OR5AS1: variants seen among roughly 807,000 people sequenced by gnomAD.
OR5AS1 encodes olfactory receptor 5AS1.
For missense variants in OR5AS1, 492 were observed against 378.2 expected (o/e 1.30, Z -2.50); for synonymous variants, 196 against 141.7 (o/e 1.38, Z -2.72).
Position 56,037,718 on chromosome 11 carries a change from C to G in OR5AS1, c.*6325C>G, listed in dbSNP as rs148304065. On this transcript the variant is annotated 3_prime_UTR_variant, in exon 2 of 2. Coordinates refer to ENST00000641320, the MANE Select transcript of OR5AS1 (RefSeq NM_001001921.2). Reference sequence around the variant, plus strand: ...TAATTTTTAGATTCAATACTATCCCCGTCAAGCTATCATTGAATTTCTTCA... The same window carrying G: ...TAATTTTTAGATTCAATACTATCCCGGTCAAGCTATCATTGAATTTCTTCA... The G allele has an allele frequency of 2.0e-5, 3 of 150,872 alleles. No individual in the cohort carries two copies. The Admixed American group carries it at 2.0e-4, about 10-fold the overall frequency. The allele number at this position is 150,872 out of a possible 1,614,324, so 9.3% of individuals were successfully genotyped here. A position where few individuals can be genotyped will look rare whatever the true frequency, so the allele number is the denominator to read the frequency against.
chr11:56,030,281 A>G (rs1009955455), intron 1 of OR5AS1, 110 bp from the exon 2 acceptor site: 14 of 446,578 alleles, frequency 3.1e-5, no homozygotes, highest in Non-Finnish European at 5.5e-5. Context: ...ACAAAAAATG[A>G]CATCTCTGTG....
At chr11:56,029,862 T>C (rs1372884482) in intron 1 of OR5AS1, among the ~76,000 whole-genome samples, 1 of 151,908 alleles carries the variant, frequency 6.6e-6, no homozygotes, top group Non-Finnish European at 1.5e-5. Flanking sequence ...AGCCAAGTTG[T>C]AAATCCAGCC....
In OR5AS1 at chr11:56,035,429, G is replaced by A. The variant is rs955161026; in HGVS notation, c.*4036G>A. 6.6e-6 allele frequency: 1 copy of A among 150,934 alleles called. No individual in the cohort carries two copies. Among genetic ancestry groups the A allele is most frequent in the East Asian group, 1.9e-4 (1 of 5,140 alleles). 9.3% of individuals were successfully genotyped at this position (150,934 alleles called of 1,614,324 possible). ...AACGGGATGGAGGAATATTTACCAA[G>A]CAAATGGATAGCAAATAAAGAAAAA... On this transcript the variant is annotated 3_prime_UTR_variant, in exon 2 of 2. Transcript: ENST00000641320.
chr11:56,029,201 T>C (rs1853323159), intron 1 of OR5AS1, among the ~76,000 whole-genome samples: 1 of 152,078 alleles, frequency 6.6e-6, no homozygotes, highest in Non-Finnish European at 1.5e-5. Flanking sequence ...AGTTACTCAC[T>C]ACGTTACTCA....
At position 56,031,540 on chromosome 11, in the gene OR5AS1, C is replaced by G. The variant is rs78836723; in HGVS notation, c.*147C>G. 6.3e-4 allele frequency: 371 copies of G among 585,010 alleles called. 1 individual carries two copies. The highest frequency in any genetic ancestry group is 6.3e-3 in the African/African-American group (343 of 54,378). 36.2% of individuals were successfully genotyped at this position (585,010 alleles called of 1,614,324 possible). On this transcript the variant is annotated 3_prime_UTR_variant, in exon 2 of 2. Transcript: ENST00000641320. ...TCATCCTCTCTTCCAAAAATGTTCT[C>G]TCCACAATTCTACTCTATAAAACAT...
chr11:56,029,772 T>C (rs947662454), intron 1 of OR5AS1, among the ~76,000 whole-genome samples: 1 of 152,082 alleles, frequency 6.6e-6, no homozygotes, highest in Admixed American at 6.6e-5. Flanking sequence ...GTCTACTTAC[T>C]AGGAATATTT....
In OR5AS1 at chr11:56,031,547, A is replaced by G. The variant is rs371078932; in HGVS notation, c.*154A>G. The G allele has an allele frequency of 1.2e-5, 7 of 562,980 alleles. No individual in the cohort carries two copies. The highest frequency in any genetic ancestry group is 1.9e-5 in the Non-Finnish European group (6 of 321,552). 34.9% of individuals were successfully genotyped at this position (562,980 alleles called of 1,614,324 possible). On this transcript the variant is annotated 3_prime_UTR_variant, in exon 2 of 2. Coordinates refer to ENST00000641320, the MANE Select transcript of OR5AS1 (RefSeq NM_001001921.2). Reference sequence around the variant, plus strand: ...CTCTTCCAAAAATGTTCTCTCCACAATTCTACTCTATAAAACATTACCTAA... The same window carrying G: ...CTCTTCCAAAAATGTTCTCTCCACAGTTCTACTCTATAAAACATTACCTAA...
intron 1 of OR5AS1, among the ~76,000 whole-genome samples, chr11:56,030,007 G>A (rs1853330942): frequency 1.3e-5 from 2 of 151,976 alleles, no homozygotes; most frequent in South Asian, 4.1e-4. Flanking sequence ...CCTTTATGTA[G>A]AAGAATGTGA....
In OR5AS1 at chr11:56,035,061, G is replaced by A. The variant is rs1406066465; in HGVS notation, c.*3668G>A. 1.3e-5 allele frequency: 2 copies of A among 152,106 alleles called. No individual in the cohort carries two copies. Among genetic ancestry groups the A allele is most frequent in the East Asian group, 1.9e-4 (1 of 5,200 alleles). 9.4% of individuals were successfully genotyped at this position (152,106 alleles called of 1,614,324 possible). ...GGGAAATAAAATCCTTTACAGAAAA[G>A]CAAATGCTGAGAGATTTTGTCACCA... On this transcript the variant is annotated 3_prime_UTR_variant, in exon 2 of 2. Transcript: ENST00000641320.
In OR5AS1 at chr11:56,037,999, G is replaced by T. The variant is rs1247192497; in HGVS notation, c.*6606G>T. On this transcript the variant is annotated 3_prime_UTR_variant, in exon 2 of 2. Transcript: ENST00000641320. ...CAACCATCTGATCTTTGACAAACCT[G>T]ACAAAAACAAGCAATGAGGAAAGGA... The T allele has an allele frequency of 6.6e-6, 1 of 152,104 alleles. No individual in the cohort carries two copies. Among genetic ancestry groups the T allele is most frequent in the Admixed American group, 6.5e-5 (1 of 15,268 alleles). The allele number at this position is 152,104 out of a possible 1,614,324, so 9.4% of individuals were successfully genotyped here.
In OR5AS1 at chr11:56,030,576, C is replaced by T. The variant is rs773128069; in HGVS notation, c.158C>T (p.Ser53Leu). The T allele has an allele frequency of 3.9e-6, 6 of 1,548,076 alleles. No individual in the cohort carries two copies. The highest frequency in any genetic ancestry group is 1.2e-5 in the South Asian group (1 of 81,926). Residue 53 changes from serine (S) to leucine (L), a missense_variant, in exon 2 of 2, where the codon TCA becomes TTA. Physicochemically the swap from Ser to Leu is moderately radical, Grantham distance 145. Transcript: ENST00000641320. ...TTAATAATTCTAGTTAATATTAATT[C>T]AAGCCTTCAAATTCCCATGTATTAT... is the stretch of plus-strand genomic sequence containing the variant. ...ILLIILVNIN[S>L]SLQIPMYYFL...
intron 1 of OR5AS1, 115 bp downstream of exon 1, chr11:56,027,827 G>T (rs1277241350): frequency 6.6e-6 from 1 of 151,636 alleles, no homozygotes; most frequent in East Asian, 1.9e-4. Flanking sequence ...GTGTGTGTGT[G>T]TGTGGTGTGT....
rs1853403823 is a variant in OR5AS1, at chr11:56,036,278, G to T, written c.*4885G>T. ...GCCTCAGAAGACAAGAAATAACTAA[G>T]ATCAGAGCAGAACTGAAGGAGATAG... is the stretch of plus-strand genomic sequence containing the variant. On this transcript the variant is annotated 3_prime_UTR_variant, in exon 2 of 2. Transcript: ENST00000641320. 1 of 151,892 alleles carries T rather than the reference G, an allele frequency of 6.6e-6. No homozygotes were observed. The highest frequency in any genetic ancestry group is 6.6e-5 in the Admixed American group (1 of 15,238). The allele number at this position is 151,892 out of a possible 1,614,324, so 9.4% of individuals were successfully genotyped here.
chr11:56,028,156 G>A (rs550153505), intron 1 of OR5AS1, among the ~76,000 whole-genome samples: 4 of 151,916 alleles, frequency 2.6e-5, no homozygotes. Context: ...GTCAGATATT[G>A]AATTGTTAAA....
rs371267181 is a variant in OR5AS1, at chr11:56,031,852, C to T, written c.*459C>T. On this transcript the variant is annotated 3_prime_UTR_variant, in exon 2 of 2. Coordinates refer to ENST00000641320, the MANE Select transcript of OR5AS1 (RefSeq NM_001001921.2). ...TAAGCATCCTACTGCTCAAGGTCAT[C>T]GCCAAGGTCTGATTTCAAAAATTCA... is the stretch of plus-strand genomic sequence containing the variant. The T allele has an allele frequency of 3.5e-4, 54 of 152,950 alleles. 1 individual carries two copies. In the South Asian group the frequency reaches 3.7e-3, roughly 10 times the overall value. The allele number at this position is 152,950 out of a possible 1,614,324, so 9.5% of individuals were successfully genotyped here. A position where few individuals can be genotyped will look rare whatever the true frequency, so the allele number is the denominator to read the frequency against.
chr11:56,033,821 T>C lies in OR5AS1; in HGVS notation c.*2428T>C, dbSNP rs564526625. ...TCAAGTGGGTCCTTGACCCCGTGAC[T>C]CTTGACTGGGAGACACCTTCCAGTA... On this transcript the variant is annotated 3_prime_UTR_variant, in exon 2 of 2. Coordinates refer to ENST00000641320, the MANE Select transcript of OR5AS1 (RefSeq NM_001001921.2). 6.6e-6 allele frequency: 1 copy of C among 152,304 alleles called. No individual in the cohort carries two copies. Among genetic ancestry groups the C allele is most frequent in the Admixed American group, 6.5e-5 (1 of 15,302 alleles). The allele number at this position is 152,304 out of a possible 1,614,324, so 9.4% of individuals were successfully genotyped here. A position where few individuals can be genotyped will look rare whatever the true frequency, so the allele number is the denominator to read the frequency against.
chr11:56,031,130 T>C lies in OR5AS1; in HGVS notation c.712T>C (p.Phe238Leu), dbSNP rs374673861. The change falls in exon 2 of 2, where the codon TTC becomes CTC. Residue 238 changes from phenylalanine to leucine, a missense_variant. Phe to Leu is a conservative substitution (Grantham distance 22). Transcript: ENST00000641320. ...GTCCTCAGGTGGCAGAAGCAAAACATTCTCCACTTGTGCTTCCCACCTCAT... is the reference window on the plus strand; with the variant it reads ...GTCCTCAGGTGGCAGAAGCAAAACACTCTCCACTTGTGCTTCCCACCTCAT... The part of the protein sequence containing the change: ...IKSSGGRSKT[F>L]STCASHLIAV... 1.1e-5 allele frequency: 17 copies of C among 1,613,984 alleles called. No individual in the cohort carries two copies. The highest frequency in any genetic ancestry group is 1.4e-5 in the Non-Finnish European group (17 of 1,180,030).
chr11:56,031,205 A>G lies in OR5AS1; in HGVS notation c.787A>G (p.Thr263Ala), dbSNP rs1853347210. The G allele has an allele frequency of 1.2e-6, 2 of 1,613,666 alleles. No individual in the cohort carries two copies. The highest frequency in any genetic ancestry group is 2.2e-5 in the South Asian group (2 of 91,070). Residue 263 changes from threonine to alanine, a missense_variant, in exon 2 of 2, where the codon ACC becomes GCC. Transcript: ENST00000641320. Reference sequence around the variant, plus strand: ...GCTCCTGTTTATGTACTTACAGCCCACCACTAGCTATTCCCTAGACACTGA... The same window carrying G: ...GCTCCTGTTTATGTACTTACAGCCCGCCACTAGCTATTCCCTAGACACTGA... Reference protein sequence around the residue: ...GALLFMYLQPTTSYSLDTDKV... With the variant: ...GALLFMYLQPATSYSLDTDKV...
rs943435624 is a variant in OR5AS1 at position 56,031,915 on chromosome 11, G to T, written c.*522G>T. 1 of 152,686 alleles carries T rather than the reference G, an allele frequency of 6.5e-6. No individual in the cohort carries two copies. Among genetic ancestry groups the T allele is most frequent in the Non-Finnish European group, 1.5e-5 (1 of 68,470 alleles). 9.5% of individuals were successfully genotyped at this position (152,686 alleles called of 1,614,324 possible). On this transcript the variant is annotated 3_prime_UTR_variant, in exon 2 of 2. Coordinates refer to ENST00000641320, the MANE Select transcript of OR5AS1 (RefSeq NM_001001921.2). ...CTCAGACATAAATTTAAGTATGGAT[G>T]GAGGGATGGATAGATGGATAGATAG...
Sources: allele counts gnomAD v4.1 joint callset (sites outside exome capture counted in the v4.1 genomes callset), GRCh38; gene constraint gnomAD v4.1.1; transcripts MANE v1.5; gene names NCBI Gene and HGNC (gene_info 2026-07-23, HGNC 2026-07-21).